CCSER2: variants seen among roughly 807,000 people sequenced by gnomAD.
CCSER2 encodes serine-rich coiled-coil domain-containing protein 2.
A neutral mutation model predicts 92.3 loss-of-function variants in CCSER2; 46 were observed. The observed-to-expected ratio is 0.50, with a 90% CI of 0.39 to 0.64. CCSER2 has a LOEUF of 0.64. CCSER2 is among the 30% of genes least tolerant of loss of function. The pLI is 0.00. For missense variants in CCSER2, 1,244 were observed against 1,238.9 expected, an observed-to-expected ratio of 1.00 and a Z score of -0.06; for synonymous variants, 433 against 431.4, an observed-to-expected ratio of 1.00 and a Z score of -0.04.
At chr10:84,480,689 C>G (rs965100425) in intron 9 of CCSER2, among the ~76,000 whole-genome samples, 1 of 152,096 alleles carries the variant, frequency 6.6e-6, no homozygotes, top group Non-Finnish European at 1.5e-5. Flanking sequence ...AGCAAAACAA[C>G]TTAAGAAAAA....
Position 84,513,710 on chromosome 10 carries a change from A to G in CCSER2, c.2587A>G (p.Ile863Val). The stretch of plus-strand genomic sequence containing the variant: ...TACACCTTCTGAAGCAAACTTAAAC[A>G]TTACTGTAAATGCTCAAGAGCCTTA... The part of the protein sequence containing the change: ...KSTPSEANLN[I>V]TVNAQEPYHL... Residue 863 changes from isoleucine (I) to valine (V), a missense_variant, in exon 10 of 10, where the codon ATT (isoleucine) becomes GTT (valine). Coordinates refer to ENST00000372088, the MANE Select transcript of CCSER2 (RefSeq NM_001284240.2). 6.5e-7 allele frequency: 1 copy of G among 1,539,092 alleles called. No homozygotes were observed. Among genetic ancestry groups the G allele is most frequent in the Non-Finnish European group, 8.7e-7 (1 of 1,147,478 alleles).
At chr10:84,359,482 A>G (rs1845382932) in intron 1 of CCSER2, among the ~76,000 whole-genome samples, 1 of 152,188 alleles carries the variant, frequency 6.6e-6, no homozygotes, top group Non-Finnish European at 1.5e-5. Flanking sequence ...GGCTCTACAG[A>G]ATTGCTGAGC....
intron 7 of CCSER2, among the ~76,000 whole-genome samples, chr10:84,467,548 T>G (rs1846521838): frequency 6.6e-6 from 1 of 152,164 alleles, no homozygotes; most frequent in Non-Finnish European, 1.5e-5. Context: ...TGATAACTGT[T>G]GAGCTCAGAA....
chr10:84,390,823 G>A, intron 3 of CCSER2: 1 of 516,750 alleles, frequency 1.9e-6, no homozygotes, highest in African/African-American at 1.9e-5. Context: ...AGGATTTATG[G>A]AGATGATCTT....
chr10:84,466,232 AGCAGT>A lies in CCSER2; in HGVS notation c.2148+2222_2148+2226del, dbSNP rs575346132. On this transcript the variant is annotated intron_variant, in intron 7 of 9. Coordinates refer to ENST00000372088, the MANE Select transcript of CCSER2 (RefSeq NM_001284240.2). ...TGTCACCTTTCATCCAAAATGGTTT[AGCAGT>A]GCAGTTTCAAATGACACAAATACTG... Among the ~76,000 whole-genome samples the A allele has an allele frequency of 2.4e-3, 361 of 152,300 alleles. 1 individual carries two copies. The highest frequency in any genetic ancestry group is 8.3e-3 in the African/African-American group (345 of 41,564).
chr10:84,407,487 C>T (rs1842436249), intron 3 of CCSER2, among the ~76,000 whole-genome samples: 1 of 151,136 alleles, frequency 6.6e-6, no homozygotes, highest in African/African-American at 2.4e-5. Context: ...TGGCTTCTTG[C>T]TTACTTCTCA....
chr10:84,493,177 G>T (rs776584933), intron 9 of CCSER2, among the ~76,000 whole-genome samples: 8 of 152,014 alleles, frequency 5.3e-5, no homozygotes, highest in Non-Finnish European at 8.8e-5. Context: ...TTTCATCTTG[G>T]ATGAATTTTG....
chr10:84,362,486 A>G (rs1291350922), intron 1 of CCSER2, among the ~76,000 whole-genome samples: 3 of 152,184 alleles, frequency 2.0e-5, no homozygotes, highest in African/African-American at 7.2e-5. Flanking sequence ...GGCCAGGGGA[A>G]CTTCTGGTTC....
chr10:84,416,300 A>T (rs1053055450), intron 3 of CCSER2, among the ~76,000 whole-genome samples: 1 of 152,094 alleles, frequency 6.6e-6, no homozygotes, highest in African/African-American at 2.4e-5. Context: ...GAGAACCTGG[A>T]TATTTCAGTT....
At chr10:84,432,291 G>A (rs1463343664) in intron 5 of CCSER2, among the ~76,000 whole-genome samples, 1 of 151,980 alleles carries the variant, frequency 6.6e-6, no homozygotes, top group African/African-American at 2.4e-5. Flanking sequence ...ACATACGCAG[G>A]TTTGTATCAC....
intron 6 of CCSER2, among the ~76,000 whole-genome samples, chr10:84,463,450 G>A (rs970218467): frequency 3.3e-5 from 5 of 152,090 alleles, no homozygotes; most frequent in African/African-American, 1.2e-4. Flanking sequence ...TCATATAAAT[G>A]GAGTTATGTG....
intron 9 of CCSER2, among the ~76,000 whole-genome samples, chr10:84,511,849 T>A (rs1389867471): frequency 1.3e-5 from 2 of 152,208 alleles, no homozygotes; most frequent in African/African-American, 4.8e-5. Flanking sequence ...TGCGGGACAG[T>A]TCATTCATTT....
chr10:84,516,537 G>T lies in CCSER2; in HGVS notation c.*2270G>T, dbSNP rs1373295953. ...TAAAACCAGTGACTTAGTGGTTTTT[G>T]GTTTATTTAGAAGTTGGTTTAGACC... is the stretch of plus-strand genomic sequence containing the variant. On this transcript the variant is annotated 3_prime_UTR_variant, in exon 10 of 10. Transcript: ENST00000372088. The T allele has an allele frequency of 2.0e-5, 3 of 152,034 alleles. No individual in the cohort carries two copies. The South Asian group carries it at 6.2e-4, about 32-fold the overall frequency. 9.4% of individuals were successfully genotyped at this position (152,034 alleles called of 1,614,324 possible).
intron 6 of CCSER2, among the ~76,000 whole-genome samples, chr10:84,442,187 A>ATT (rs1844611606): frequency 6.8e-6 from 1 of 147,742 alleles, no homozygotes; most frequent in Non-Finnish European, 1.5e-5. Flanking sequence ...AAGGTTGGAC[A>ATT]TTCAGTAAGA....
intron 3 of CCSER2, among the ~76,000 whole-genome samples, chr10:84,377,035 C>T (rs1846375098): frequency 6.6e-6 from 1 of 151,886 alleles, no homozygotes; most frequent in Admixed American, 6.6e-5. Flanking sequence ...TGTAAAAATT[C>T]TTCATATTTT....
At chr10:84,369,497 A>G (rs896161205) in intron 1 of CCSER2, among the ~76,000 whole-genome samples, 6 of 151,506 alleles carry the variant, frequency 4.0e-5, no homozygotes, top group African/African-American at 1.5e-4. Context: ...TTATTTGCCC[A>G]CTTTTTGATG....
intron 1 of CCSER2, among the ~76,000 whole-genome samples, chr10:84,352,092 A>T (rs1041314824): frequency 1.3e-5 from 2 of 152,102 alleles, no homozygotes; most frequent in South Asian, 2.1e-4. Context: ...CGAGGTCAGG[A>T]GATCGAGACC....
rs150138733 is a variant in CCSER2 at position 84,424,308 on chromosome 10, C to T, written c.1706-1423C>T. Among the ~76,000 whole-genome samples the T allele has an allele frequency of 4.8e-3, 725 of 149,740 alleles. 23 individuals are homozygous for T. The highest frequency in any genetic ancestry group is 0.042 in the Admixed American group (633 of 15,084). ...AAAAAAAAAAAAAACTTGGTTTATTCCTGTAAGATGACAACAAATTGAAAT... is the reference window on the plus strand; with the variant it reads ...AAAAAAAAAAAAAACTTGGTTTATTTCTGTAAGATGACAACAAATTGAAAT... On this transcript the variant is annotated intron_variant, in intron 4 of 9. Coordinates refer to ENST00000372088, the MANE Select transcript of CCSER2 (RefSeq NM_001284240.2).
At chr10:84,385,554 G>A (rs1841154219) in intron 3 of CCSER2, among the ~76,000 whole-genome samples, 1 of 152,170 alleles carries the variant, frequency 6.6e-6, no homozygotes, top group Admixed American at 6.5e-5. Flanking sequence ...GGCTAGCCAT[G>A]TGAAGAAGAA....
Sources: gnomAD v4.1 joint callset for allele counts (sites outside exome capture counted in the v4.1 genomes callset) on GRCh38, gnomAD v4.1.1 for gene constraint, MANE v1.5 for transcripts, NCBI Gene and HGNC (gene_info 2026-07-23, HGNC 2026-07-21) for gene names.